Variants in ARL15 observed in about 807,000 individuals in gnomAD.
ARL15 encodes ARF like GTPase 15, also known as ADP-ribosylation factor-like protein 15.
A neutral mutation model predicts 25.2 loss-of-function variants in ARL15; 19 were observed. The observed-to-expected ratio is 0.75, with a 90% CI of 0.53 to 1.10. The LOEUF (loss-of-function observed/expected upper bound fraction) is 1.10. Ranked by LOEUF, ARL15 falls within the 50% of genes least tolerant of loss-of-function variation. The probability of loss-of-function intolerance (pLI) is 0.00; values close to 1 mark genes in which losing one functional copy is unlikely to be tolerated. For synonymous variants in ARL15, 94 were observed against 86.8 expected, an observed-to-expected ratio of 1.08 and a Z score of -0.46; for missense variants, 220 against 246.0, an observed-to-expected ratio of 0.89 and a Z score of 0.71.
chr5:54,167,709 T>G (rs1028065463), intron 2 of ARL15, among the ~76,000 whole-genome samples: 2 of 152,186 alleles, frequency 1.3e-5, no homozygotes, highest in Non-Finnish European at 2.9e-5. Context: ...AAGAGACCTT[T>G]TCTTATAGAA....
At chr5:53,991,485 T>TGAGC (rs1748491725) in intron 4 of ARL15, among the ~76,000 whole-genome samples, 1 of 136,306 alleles carries the variant, frequency 7.3e-6, no homozygotes, top group East Asian at 2.1e-4. Flanking sequence ...GAGGTTGCAG[T>TGAGC]GAGCTGAGAT....
chr5:54,060,946 G>A (rs144247426), intron 4 of ARL15, among the ~76,000 whole-genome samples: 1,872 of 152,252 alleles, frequency 0.012, 33 homozygotes, highest in African/African-American at 0.041. Flanking sequence ...CTGACAGTGC[G>A]ATAGAAAAGA....
chr5:54,157,070 C>CTAT (rs1373411078), intron 2 of ARL15, among the ~76,000 whole-genome samples: 7 of 152,186 alleles, frequency 4.6e-5, no homozygotes, highest in African/African-American at 1.7e-4. Flanking sequence ...ATTAAGCAGT[C>CTAT]TATTAGTGGT....
At chr5:54,195,733 CTCTTT>C (rs749978932) in intron 1 of ARL15, among the ~76,000 whole-genome samples, 3 of 152,098 alleles carry the variant, frequency 2.0e-5, no homozygotes, top group Non-Finnish European at 4.4e-5. Context: ...ATACATCTTT[CTCTTT>C]TCTTTTAGTA....
chr5:53,995,354 T>C (rs892895261), intron 4 of ARL15, among the ~76,000 whole-genome samples: 1 of 150,076 alleles, frequency 6.7e-6, no homozygotes, highest in East Asian at 2.0e-4. Context: ...TTAAATGATG[T>C]GAGTGTGCAG....
intron 3 of ARL15, among the ~76,000 whole-genome samples, chr5:54,124,196 TA>T (rs1483781960): frequency 6.6e-6 from 1 of 152,222 alleles, no homozygotes; most frequent in Non-Finnish European, 1.5e-5. Flanking sequence ...TGAATTTTCT[TA>T]CAATTCTGAT....
chr5:54,053,388 T>C (rs948402966), intron 4 of ARL15, among the ~76,000 whole-genome samples: 1 of 152,148 alleles, frequency 6.6e-6, no homozygotes, highest in African/African-American at 2.4e-5. Flanking sequence ...TAATTCCAAA[T>C]AATTTGTGTA....
In ARL15 at chr5:53,938,299, C is replaced by A. The variant is rs1483555200; in HGVS notation, c.463-51586G>T. ...AACTGGCTTATAATGCCTGTGACACCAAGAATACTTAGTGAGCAATTAAAC... is the reference window on the plus strand; with the variant it reads ...AACTGGCTTATAATGCCTGTGACACAAAGAATACTTAGTGAGCAATTAAAC... On this transcript the variant is annotated intron_variant, in intron 4 of 4. Transcript: ENST00000504924. 6.6e-5 allele frequency among the ~76,000 whole-genome samples: 10 copies of A among 151,858 alleles called. No individual in the cohort carries two copies. The South Asian group carries it at 1.3e-3, about 19-fold the overall frequency.
chr5:54,269,709 G>A lies in ARL15; in HGVS notation c.48+40723C>T, dbSNP rs771545825. Among the ~76,000 whole-genome samples, 9 of 152,078 alleles carry A rather than the reference G, an allele frequency of 5.9e-5. No individual in the cohort carries two copies. In the South Asian group the frequency reaches 8.3e-4, roughly 14 times the overall value. On this transcript the variant is annotated intron_variant, in intron 1 of 4. Transcript: ENST00000504924. ...CGCCTGGGCTGGAGTGCGGTGGCGC[G>A]ATCTCGGCCCACTGCAACCTCCACC...
chr5:53,924,904 G>A (rs1053007244), intron 4 of ARL15, among the ~76,000 whole-genome samples: 1 of 152,130 alleles, frequency 6.6e-6, no homozygotes, highest in Non-Finnish European at 1.5e-5. Flanking sequence ...AGAAGGGAAG[G>A]AATTACATTC....
intron 2 of ARL15, among the ~76,000 whole-genome samples, chr5:54,159,808 GT>G (rs1284098054): frequency 1.1e-4 from 16 of 152,302 alleles, no homozygotes; most frequent in Admixed American, 4.6e-4. Flanking sequence ...TTCAGTCTTT[GT>G]TTTGCAGTCC....
chr5:54,284,853 A>G (rs1390454876), intron 1 of ARL15, among the ~76,000 whole-genome samples: 1 of 152,182 alleles, frequency 6.6e-6, no homozygotes, highest in Non-Finnish European at 1.5e-5. Context: ...ATTCTCAACA[A>G]TGGCCTCTTC....
At chr5:54,134,087 T>G (rs1358345146) in intron 3 of ARL15, among the ~76,000 whole-genome samples, 1 of 152,186 alleles carries the variant, frequency 6.6e-6, no homozygotes, top group Non-Finnish European at 1.5e-5. Context: ...CTGAGCAATG[T>G]TATGTAACCC....
At chr5:54,267,837 G>A (rs918362634) in intron 1 of ARL15, among the ~76,000 whole-genome samples, 2 of 151,982 alleles carry the variant, frequency 1.3e-5, no homozygotes, top group East Asian at 1.9e-4. Context: ...CGAGAGATCC[G>A]CTGTTAGTCT....
At chr5:54,228,073 C>A (rs1276818566) in intron 1 of ARL15, among the ~76,000 whole-genome samples, 1 of 152,172 alleles carries the variant, frequency 6.6e-6, no homozygotes, top group African/African-American at 2.4e-5. Flanking sequence ...GGACCCTGGG[C>A]ACCTTACATG....
intron 4 of ARL15, among the ~76,000 whole-genome samples, chr5:54,093,698 A>AG (rs1014494562): frequency 8.6e-5 from 13 of 151,768 alleles, no homozygotes; most frequent in African/African-American, 3.1e-4. Context: ...AGTTAAAAAA[A>AG]AAAAAAAGAA....
intron 1 of ARL15, among the ~76,000 whole-genome samples, chr5:54,197,735 C>T (rs1029960332): frequency 2.3e-4 from 35 of 152,078 alleles, no homozygotes; most frequent in African/African-American, 8.5e-4. Flanking sequence ...GAGCTGGTAC[C>T]ATTCCTTCTG....
At chr5:54,195,279 T>C (rs1267558490) in intron 1 of ARL15, among the ~76,000 whole-genome samples, 1 of 152,152 alleles carries the variant, frequency 6.6e-6, no homozygotes, top group Non-Finnish European at 1.5e-5. Flanking sequence ...ACATCATCAA[T>C]GAAAATACAG....
rs369903239 is a variant in ARL15 at position 54,092,098 on chromosome 5, G to A, written c.462+21104C>T. On this transcript the variant is annotated intron_variant, in intron 4 of 4. Coordinates refer to ENST00000504924, the MANE Select transcript of ARL15 (RefSeq NM_019087.3). ...CCACCACCACCACCACCATCACCAG[G>A]ATATGGAATCTATACACGTTCGTTC... is the stretch of plus-strand genomic sequence containing the variant. Among the ~76,000 whole-genome samples, 6 of 139,730 alleles carry A rather than the reference G, an allele frequency of 4.3e-5. No homozygotes were observed. In the South Asian group the frequency reaches 9.3e-4, roughly 22 times the overall value. The allele number at this position is 139,730 out of a possible 152,430, so 91.7% of individuals were successfully genotyped here. A position where few individuals can be genotyped will look rare whatever the true frequency, so the allele number is the denominator to read the frequency against.
Sources: allele counts gnomAD v4.1 joint callset (sites outside exome capture counted in the v4.1 genomes callset), GRCh38; gene constraint gnomAD v4.1.1; transcripts MANE v1.5; gene names NCBI Gene and HGNC (gene_info 2026-07-23, HGNC 2026-07-21).